Variants in FAM178B observed in about 807,000 individuals in gnomAD.
FAM178B encodes the protein protein FAM178B.
FAM178B carries 82 observed loss-of-function variants against 91.7 expected under a neutral mutation model. The observed-to-expected ratio is 0.89, with a 90% confidence interval of 0.75 to 1.07. The LOEUF (loss-of-function observed/expected upper bound fraction) is 1.07. Among genes scored for constraint, FAM178B ranks in the 50% least tolerant of loss-of-function variants. The probability of loss-of-function intolerance (pLI) is 0.00; values close to 1 mark genes in which losing one functional copy is unlikely to be tolerated. For synonymous variants in FAM178B, 368 were observed against 359.4 expected, an observed-to-expected ratio of 1.02 and a Z score of -0.27; for missense variants, 769 against 846.7, an observed-to-expected ratio of 0.91 and a Z score of 1.14.
At chr2:96,888,667 G>A (rs575794280) in intron 14 of FAM178B, among the ~76,000 whole-genome samples, 2 of 152,336 alleles carry the variant, frequency 1.3e-5, no homozygotes, top group African/African-American at 2.4e-5. Context: ...CAGCGGGAGC[G>A]AAGCAGTAAA....
Position 96,954,727 on chromosome 2 carries a change from ATGGCCTT to A in FAM178B, c.888-3250_888-3244del, listed in dbSNP as rs1313067604. ...CCAATAGCAACCAAAGCGTTCACCT[ATGGCCTT>A]TTGCTTTCTCTTTCTTTGTTTAAAC... On this transcript the variant is annotated intron_variant, in intron 6 of 16. Coordinates refer to ENST00000490605, the MANE Select transcript of FAM178B (RefSeq NM_001122646.3). 2.6e-5 allele frequency among the ~76,000 whole-genome samples: 4 copies of A among 152,380 alleles called. No individual in the cohort carries two copies. In the East Asian group the frequency reaches 7.7e-4, roughly 29 times the overall value.
chr2:96,951,492 G>A lies in FAM178B; in HGVS notation c.888-8C>T, dbSNP rs879473217. On this transcript the variant is annotated splice_region_variant and splice_polypyrimidine_tract_variant and intron_variant, in intron 6 of 16. Transcript: ENST00000490605. ...TGTTGGGCTGGCGGGGAGCTGGGAG[G>A]CAGAGGGCTGAGGTTAGGGGAGGCC... The A allele has an allele frequency of 1.3e-6, 2 of 1,549,586 alleles. No homozygotes were observed. Among genetic ancestry groups the A allele is most frequent in the East Asian group, 2.4e-5 (1 of 40,876 alleles).
At chr2:96,974,587 T>C (rs1412797787) in intron 1 of FAM178B, among the ~76,000 whole-genome samples, 6 of 152,144 alleles carry the variant, frequency 3.9e-5, no homozygotes, top group South Asian at 2.1e-4. Flanking sequence ...ATTGGCAATA[T>C]ACATTTAAAA....
At chr2:96,917,542 G>T (rs192182394) in intron 12 of FAM178B, among the ~76,000 whole-genome samples, 34 of 152,296 alleles carry the variant, frequency 2.2e-4, no homozygotes, top group African/African-American at 8.2e-4. Context: ...CTTCAAATCT[G>T]TCTTGAAAGG....
intron 9 of FAM178B, among the ~76,000 whole-genome samples, 158 bp downstream of exon 9, chr2:96,929,048 C>T (rs2081496651): frequency 6.6e-6 from 1 of 152,134 alleles, no homozygotes; most frequent in African/African-American, 2.4e-5. Context: ...GTCCCAGCTA[C>T]TCAGGAGGCT....
chr2:96,961,371 G>C (rs190668358), intron 5 of FAM178B, among the ~76,000 whole-genome samples: 2 of 151,130 alleles, frequency 1.3e-5, no homozygotes, highest in Admixed American at 6.6e-5. Context: ...ACATATGCAC[G>C]GACACAGACA....
intron 1 of FAM178B, among the ~76,000 whole-genome samples, chr2:96,974,778 G>T (rs1226546189): frequency 6.6e-6 from 1 of 151,984 alleles, no homozygotes; most frequent in African/African-American, 2.4e-5. Context: ...AAGAGACAAA[G>T]ATTATATATT....
Position 96,929,329 on chromosome 2 carries a change from C to A in FAM178B, c.1079-9G>T. On this transcript the variant is annotated splice_polypyrimidine_tract_variant and intron_variant, in intron 8 of 16. Coordinates refer to ENST00000490605, the MANE Select transcript of FAM178B (RefSeq NM_001122646.3). The stretch of plus-strand genomic sequence containing the variant: ...CAGGTGCTTGTCTTCATCTGTCAGG[C>A]CAAAAGGGAGCAGAGAGTTAGAATG... 11 of 1,539,854 alleles carry A rather than the reference C, an allele frequency of 7.1e-6. No homozygotes were observed. Among genetic ancestry groups the A allele is most frequent in the Non-Finnish European group, 9.7e-6 (11 of 1,136,474 alleles).
At chr2:96,903,319 G>A (rs759031363) in intron 12 of FAM178B, among the ~76,000 whole-genome samples, 1 of 152,254 alleles carries the variant, frequency 6.6e-6, no homozygotes, top group Non-Finnish European at 1.5e-5. Flanking sequence ...GATTACAGGC[G>A]TGAGCCACCG....
intron 5 of FAM178B, among the ~76,000 whole-genome samples, chr2:96,965,673 C>G (rs889153639): frequency 2.0e-5 from 3 of 152,226 alleles, no homozygotes; most frequent in Admixed American, 2.0e-4. Flanking sequence ...CCTGTGTTGC[C>G]GGGGCTGGTC....
At chr2:96,916,293 ACTGTCCTTTCGGATTGATT>A (rs1270771257) in intron 12 of FAM178B, among the ~76,000 whole-genome samples, 1 of 152,188 alleles carries the variant, frequency 6.6e-6, no homozygotes, top group Non-Finnish European at 1.5e-5. Context: ...ACTGGGCAGC[ACTGTCCTTTCGGATTGATT>A]CTGGTCTGCC....
chr2:96,960,960 G>A (rs1398629548), intron 5 of FAM178B, among the ~76,000 whole-genome samples: 1 of 152,160 alleles, frequency 6.6e-6, no homozygotes, highest in Non-Finnish European at 1.5e-5. Flanking sequence ...GGAGGGTCTT[G>A]AGCCCATATG....
At chr2:96,924,075 C>T (rs2081393419) in intron 9 of FAM178B, among the ~76,000 whole-genome samples, 1 of 152,206 alleles carries the variant, frequency 6.6e-6, no homozygotes, top group Non-Finnish European at 1.5e-5. Flanking sequence ...GAGGAGGCTA[C>T]AGAACTATGT....
intron 12 of FAM178B, among the ~76,000 whole-genome samples, chr2:96,906,204 C>CTT (rs779631865): frequency 0.1 from 13,701 of 132,820 alleles, 890 homozygotes; most frequent in Middle Eastern, 0.18. Context: ...CTTTTTCTTT[C>CTT]TTTTTTTTTT....
chr2:96,948,721 C>T (rs112406796), intron 7 of FAM178B, among the ~76,000 whole-genome samples: 18 of 152,214 alleles, frequency 1.2e-4, no homozygotes, highest in Admixed American at 6.5e-5. Context: ...TGGGCAGTGT[C>T]GCTGCCAGGG....
intron 13 of FAM178B, among the ~76,000 whole-genome samples, chr2:96,902,221 T>A (rs981054302): frequency 2.0e-5 from 3 of 151,996 alleles, no homozygotes; most frequent in African/African-American, 7.3e-5. Context: ...TTCTCCTGCC[T>A]CAGCCTCCCG....
chr2:96,898,121 C>A (rs781714783), intron 13 of FAM178B: 20 of 985,650 alleles, frequency 2.0e-5, no homozygotes, highest in Non-Finnish European at 2.4e-5. Flanking sequence ...CCAGTCAATT[C>A]TAAACCCCTG....
chr2:96,946,724 G>GAAGC (rs1448411968), intron 8 of FAM178B, among the ~76,000 whole-genome samples: 6 of 152,258 alleles, frequency 3.9e-5, no homozygotes, highest in Admixed American at 3.3e-4. Context: ...CAGGACAAGG[G>GAAGC]AAGCCTCTGT....
At chr2:96,962,255 T>C (rs1032860277) in intron 5 of FAM178B, among the ~76,000 whole-genome samples, 4 of 151,922 alleles carry the variant, frequency 2.6e-5, no homozygotes, top group African/African-American at 9.7e-5. Flanking sequence ...TAAGCCGAGA[T>C]TGCACCGCTG....
Sources: gnomAD v4.1 joint callset for allele counts (sites outside exome capture counted in the v4.1 genomes callset) on GRCh38, gnomAD v4.1.1 for gene constraint, MANE v1.5 for transcripts, NCBI Gene and HGNC (gene_info 2026-07-23, HGNC 2026-07-21) for gene names.